The following VEGFC variants were observed in gnomAD, a reference collection of about 807,000 sequenced individuals.
VEGFC encodes FLT4 ligand DHM.
A neutral mutation model predicts 46.1 loss-of-function variants in VEGFC; 12 were observed. The ratio of observed to expected loss-of-function variants is 0.26; its 90% confidence interval spans 0.17 to 0.42. The LOEUF (loss-of-function observed/expected upper bound fraction) is 0.42, where lower values mean the gene tolerates loss of function less well. Ranked by LOEUF, VEGFC falls within the 10% of genes least tolerant of loss-of-function variation. The pLI is 1.00. For synonymous variants in VEGFC, 232 were observed against 195.5 expected (o/e 1.19, Z -1.56); for missense variants, 488 against 529.4 (o/e 0.92, Z 0.77).
chr4:176,772,892 A>C (rs1356696391), intron 1 of VEGFC, among the ~76,000 whole-genome samples: 1 of 152,216 alleles, frequency 6.6e-6, no homozygotes, highest in East Asian at 1.9e-4. Flanking sequence ...ATTTCTTTTT[A>C]TTATAAATCA....
intron 1 of VEGFC, among the ~76,000 whole-genome samples, chr4:176,733,649 G>A (rs1243109781): frequency 1.3e-5 from 2 of 151,766 alleles, no homozygotes; most frequent in African/African-American, 4.8e-5. Context: ...GTTTGGGAAG[G>A]GGAGAAGTGA....
chr4:176,728,334 C>T (rs1734906701), intron 2 of VEGFC, among the ~76,000 whole-genome samples: 1 of 152,042 alleles, frequency 6.6e-6, no homozygotes, highest in Non-Finnish European at 1.5e-5. Flanking sequence ...TGTTCATTCT[C>T]TATAGTATGG....
At chr4:176,752,222 C>T (rs1032454809) in intron 1 of VEGFC, among the ~76,000 whole-genome samples, 11 of 151,870 alleles carry the variant, frequency 7.2e-5, no homozygotes, top group African/African-American at 2.7e-4. Flanking sequence ...GATTTTAAAG[C>T]CCTAAACAAG....
chr4:176,702,182 A>G (rs988903473), intron 4 of VEGFC, among the ~76,000 whole-genome samples: 20 of 152,170 alleles, frequency 1.3e-4, no homozygotes, highest in African/African-American at 4.8e-4. Context: ...TCATAAGAAT[A>G]AAATCTTCTT....
At chr4:176,747,025 T>G (rs28380706) in intron 1 of VEGFC, among the ~76,000 whole-genome samples, 1 of 152,134 alleles carries the variant, frequency 6.6e-6, no homozygotes, top group African/African-American at 2.4e-5. Context: ...GTCTGCCGCA[T>G]AGCAATGCAT....
intron 3 of VEGFC, among the ~76,000 whole-genome samples, chr4:176,712,664 T>C (rs1046442825): frequency 3.9e-5 from 6 of 151,936 alleles, no homozygotes; most frequent in African/African-American, 1.5e-4. Flanking sequence ...CTTCAAAGCA[T>C]TGTGACTTGG....
At chr4:176,693,891 T>G in intron 4 of VEGFC, among the ~76,000 whole-genome samples, 1 of 149,530 alleles carries the variant, frequency 6.7e-6, no homozygotes, top group Non-Finnish European at 1.5e-5. Flanking sequence ...TTCATATAAG[T>G]GAAGGAGAAA....
intron 3 of VEGFC, among the ~76,000 whole-genome samples, chr4:176,727,110 C>T (rs1383177677): frequency 6.6e-6 from 1 of 152,200 alleles, no homozygotes; most frequent in Non-Finnish European, 1.5e-5. Flanking sequence ...CAGCCAGCCT[C>T]CTCTACCACG....
At chr4:176,691,151 T>C (rs1460804128) in intron 4 of VEGFC, among the ~76,000 whole-genome samples, 1 of 152,112 alleles carries the variant, frequency 6.6e-6, no homozygotes, top group Non-Finnish European at 1.5e-5. Context: ...ATTTCCAAAA[T>C]ATTTTTATTT....
At chr4:176,785,677 T>C (rs1735991234) in intron 1 of VEGFC, among the ~76,000 whole-genome samples, 1 of 152,140 alleles carries the variant, frequency 6.6e-6, no homozygotes, top group Admixed American at 6.5e-5. Flanking sequence ...TAAATGTGTG[T>C]GCAAATATAG....
At chr4:176,785,636 C>CTT (rs35836357) in intron 1 of VEGFC, among the ~76,000 whole-genome samples, 2 of 151,602 alleles carry the variant, frequency 1.3e-5, no homozygotes, top group Non-Finnish European at 2.9e-5. Context: ...CTCTCCTTCT[C>CTT]TTTTTTTTCA....
At chr4:176,699,836 T>C (rs1734394709) in intron 4 of VEGFC, among the ~76,000 whole-genome samples, 1 of 152,218 alleles carries the variant, frequency 6.6e-6, no homozygotes, top group Non-Finnish European at 1.5e-5. Flanking sequence ...ATATAAATTG[T>C]TAAAAAGGCA....
At chr4:176,723,320 T>C (rs1170099421) in intron 3 of VEGFC, among the ~76,000 whole-genome samples, 2 of 152,106 alleles carry the variant, frequency 1.3e-5, no homozygotes, top group Non-Finnish European at 2.9e-5. Flanking sequence ...TATATACATA[T>C]GTATATATAT....
At chr4:176,702,920 T>C (rs1734459181) in intron 4 of VEGFC, among the ~76,000 whole-genome samples, 1 of 152,162 alleles carries the variant, frequency 6.6e-6, no homozygotes, top group South Asian at 2.1e-4. Context: ...TGACTATATC[T>C]GTAAAACATA....
chr4:176,716,782 A>G (rs1579103020), intron 3 of VEGFC, among the ~76,000 whole-genome samples: 1 of 152,112 alleles, frequency 6.6e-6, no homozygotes, highest in East Asian at 1.9e-4. Context: ...TAACATAGTA[A>G]CTAGAATTTC....
At chr4:176,789,826 G>A (rs543895293) in intron 1 of VEGFC, among the ~76,000 whole-genome samples, 1 of 152,270 alleles carries the variant, frequency 6.6e-6, no homozygotes, top group African/African-American at 2.4e-5. Context: ...GTGGGCTGAA[G>A]GGCTGGATGG....
chr4:176,728,102 G>A lies in VEGFC; in HGVS notation c.362-134C>T, dbSNP rs530483645. On this transcript the variant is annotated intron_variant, in intron 2 of 6. Transcript: ENST00000618562. ...TCAATATATAACTAAAGAGACAGCT[G>A]ATGGGATCCTAAATTGACTTGTGAA... The A allele has an allele frequency of 6.6e-6, 4 of 603,930 alleles. No individual in the cohort carries two copies. The East Asian group carries it at 1.2e-4, about 19-fold the overall frequency. The allele number at this position is 603,930 out of a possible 1,614,324, so 37.4% of individuals were successfully genotyped here. A position where few individuals can be genotyped will look rare whatever the true frequency, so the allele number is the denominator to read the frequency against.
intron 1 of VEGFC, among the ~76,000 whole-genome samples, chr4:176,791,364 T>C (rs1258513060): frequency 6.6e-6 from 1 of 152,086 alleles, no homozygotes; most frequent in African/African-American, 2.4e-5. Context: ...CAGTAAGAAG[T>C]AGGAACACAC....
chr4:176,732,558 T>C (rs1416558165), intron 1 of VEGFC, among the ~76,000 whole-genome samples: 1 of 151,864 alleles, frequency 6.6e-6, no homozygotes, highest in Non-Finnish European at 1.5e-5. Context: ...GCATGACTCA[T>C]TAGTTTTTGA....
Sources: gnomAD v4.1 joint callset for allele counts (sites outside exome capture counted in the v4.1 genomes callset) on GRCh38, gnomAD v4.1.1 for gene constraint, MANE v1.5 for transcripts, NCBI Gene and HGNC (gene_info 2026-07-23, HGNC 2026-07-21) for gene names.